The following BAP1 variants were observed in gnomAD, a reference collection of about 807,000 sequenced individuals.
BAP1 encodes the protein ubiquitin carboxyl-terminal hydrolase BAP1.
BAP1 carries 16 observed loss-of-function variants against 77.2 expected under a neutral mutation model. That is an observed-to-expected ratio of 0.21 (90% CI 0.14 to 0.31). BAP1 has a LOEUF of 0.31. BAP1 is among the 10% of genes least tolerant of loss of function. The pLI, the probability that BAP1 is intolerant of heterozygous loss-of-function variation, is 1.00. For synonymous variants in BAP1, 362 were observed against 385.2 expected (o/e 0.94, Z 0.71); for missense variants, 699 against 967.3 (o/e 0.72, Z 3.68).
chr3:52,409,804 G>A (rs1705313036), intron 1 of BAP1, 38 bp downstream of exon 1: 1 of 1,612,838 alleles, frequency 6.2e-7, no homozygotes. Flanking sequence ...GGCCCATCCG[G>A]CCTCCCCAGC....
chr3:52,406,321 T>C lies in BAP1; in HGVS notation c.715A>G (p.Ile239Val), dbSNP rs953111687. The C allele has an allele frequency of 1.2e-6, 2 of 1,614,084 alleles. No homozygotes were observed. The highest frequency in any genetic ancestry group is 2.2e-5 in the East Asian group (1 of 44,902). Reference protein sequence around the residue: ...NLMAVVPDRRIKYEARLHVLK... With the variant: ...NLMAVVPDRRVKYEARLHVLK... ...ACATGCAGCCTGGCCTCATACTTGA[T>C]CCTGCGGTCGGGCACCACTGCCATC... Residue 239 changes from isoleucine to valine, a missense_variant, in exon 9 of 17, where the codon ATC (isoleucine) becomes GTC (valine). Physicochemically the swap from Ile to Val is conservative, Grantham distance 29. Transcript: ENST00000460680. The surrounding 1 kb of genome is among the most constrained non-coding windows in gnomAD (Gnocchi z 4.6).
At chr3:52,407,518 G>C (rs2153228018) in intron 5 of BAP1, 58 bp from the exon 6 acceptor site, 1 of 1,609,290 alleles carries the variant, frequency 6.2e-7, no homozygotes, top group Non-Finnish European at 8.5e-7. Flanking sequence ...AGGACTATGG[G>C]TGGAAGGCAA....
At chr3:52,405,451 G>A (rs565618919) in intron 10 of BAP1, 157 bp from the exon 11 acceptor site, 1 of 370,394 alleles carries the variant, frequency 2.7e-6, no homozygotes, top group South Asian at 2.2e-5. Flanking sequence ...ATCCCGCAAT[G>A]AGACAGGGCA....
intron 4 of BAP1, 91 bp downstream of exon 4, chr3:52,408,383 A>G: frequency 4.5e-6 from 7 of 1,541,254 alleles, no homozygotes; most frequent in East Asian, 2.4e-5. Flanking sequence ...GAATCTGCCT[A>G]TCTCCTCCTC....
rs201809705 is a variant in BAP1, at chr3:52,405,784, G to A, written c.912C>T (p.Ala304=). 1 of 1,613,474 alleles carries A rather than the reference G, an allele frequency of 6.2e-7. No homozygotes were observed. The highest frequency in any genetic ancestry group is 1.1e-5 in the South Asian group (1 of 91,034). The change falls in exon 10 of 17, where the codon GCC becomes GCT. Residue 304 remains alanine, a synonymous_variant. Coordinates refer to ENST00000460680, the MANE Select transcript of BAP1 (RefSeq NM_004656.4). ...CAGTACCTGTGTGGTTGCCCTCAGA[G>A]GCTGCAGGGGCCCTGTTTGCTTCCA... The part of the protein sequence containing the change: ...LVLEANRAPA[A]SEGNHTDGAE...
intron 11 of BAP1, 120 bp from the exon 12 acceptor site, chr3:52,404,706 A>G (rs1305394092): frequency 1.4e-6 from 2 of 1,429,422 alleles, no homozygotes; most frequent in East Asian, 2.5e-5. Flanking sequence ...GAACCCCTCC[A>G]GCTGTTCCAT....
Position 52,406,992 on chromosome 3 carries a change from C to A in BAP1, c.581-85G>T. ...GAGTGGGAAGGAAGACAGAGAAGAG[C>A]AGTTGAGCCAGGGAATCAGGAGCTG... On this transcript the variant is annotated intron_variant, in intron 7 of 16. Transcript: ENST00000460680. This position sits in a 1 kb window ranked among gnomAD's most constrained non-coding sequence, Gnocchi z 4.6. 1 of 1,496,090 alleles carries A rather than the reference C, an allele frequency of 6.7e-7. No individual in the cohort carries two copies. The highest frequency in any genetic ancestry group is 9.1e-7 in the Non-Finnish European group (1 of 1,095,914). 92.7% of individuals were successfully genotyped at this position (1,496,090 alleles called of 1,614,324 possible).
At position 52,409,889 on chromosome 3, in the gene BAP1, G is replaced by A. The variant is rs2153228696; in HGVS notation, c.-11C>T. 1.2e-6 allele frequency: 2 copies of A among 1,606,310 alleles called. No individual in the cohort carries two copies. The highest frequency in any genetic ancestry group is 1.7e-6 in the Non-Finnish European group (2 of 1,179,864). On this transcript the variant is annotated 5_prime_UTR_variant, in exon 1 of 17. Coordinates refer to ENST00000460680, the MANE Select transcript of BAP1 (RefSeq NM_004656.4). ...CCAGCCCTTATTCATCTTCCCGCGGGGCGGCCCCTCAGCGCCATGTCCAGG... is the reference window on the plus strand; with the variant it reads ...CCAGCCCTTATTCATCTTCCCGCGGAGCGGCCCCTCAGCGCCATGTCCAGG...
Position 52,406,503 on chromosome 3 carries a change from G to A in BAP1, c.660-127C>T. 7.0e-7 allele frequency: 1 copy of A among 1,435,974 alleles called. No homozygotes were observed. The allele number at this position is 1,435,974 out of a possible 1,614,324, so 89.0% of individuals were successfully genotyped here. A position where few individuals can be genotyped will look rare whatever the true frequency, so the allele number is the denominator to read the frequency against. Reference sequence around the variant, plus strand: ...TGTAGGTATAGGCCCCACCCCAACAGGCAGGCAGCGACTAGCCATACATGC... The same window carrying A: ...TGTAGGTATAGGCCCCACCCCAACAAGCAGGCAGCGACTAGCCATACATGC... On this transcript the variant is annotated intron_variant, in intron 8 of 16. Coordinates refer to ENST00000460680, the MANE Select transcript of BAP1 (RefSeq NM_004656.4). The surrounding 1 kb of genome is among the most constrained non-coding windows in gnomAD (Gnocchi z 4.6).
intron 10 of BAP1, 104 bp downstream of exon 10, chr3:52,405,661 G>GCCCAAGGACATCCCCAGAAAAAGACTTT: frequency 6.6e-7 from 1 of 1,523,380 alleles, no homozygotes; most frequent in Non-Finnish European, 8.9e-7. Flanking sequence ...GAAGAACACT[G>GCCCAAGGACATCCCCAGAAAAAGACTTT]CCCAAGGACA....
intron 4 of BAP1, 152 bp from the exon 5 acceptor site, chr3:52,408,229 T>C (rs1019774402): frequency 1.6e-5 from 22 of 1,396,626 alleles, no homozygotes; most frequent in Non-Finnish European, 1.7e-5. Flanking sequence ...GTTTATTCAT[T>C]TAACAAGCAC....
rs1483303680 is a variant in BAP1 at position 52,403,575 on chromosome 3, T to G, written c.1570A>C (p.Thr524Pro). 1 of 1,613,962 alleles carries G rather than the reference T, an allele frequency of 6.2e-7. No individual in the cohort carries two copies. The highest frequency in any genetic ancestry group is 1.7e-5 in the Admixed American group (1 of 60,014). Residue 524 changes from threonine to proline, a missense_variant, in exon 13 of 17, where the codon ACC becomes CCC. Physicochemically the swap from Thr to Pro is conservative, Grantham distance 38 (BLOSUM62 -1). This residue lies in a region of BAP1 where 475 missense variants were observed against 532.4 expected (regional missense o/e 0.89). Transcript: ENST00000460680. This position sits in a 1 kb window ranked among gnomAD's most constrained non-coding sequence, Gnocchi z 4.0. ...AAAAGCACCTTGGAGATGTGGGAGG[T>G]GACAGGGCTGGAGGGCCGCGTCGGG... The part of the protein sequence containing the change: ...ANPTRPSSPV[T>P]SHISKVLFGE...
chr3:52,406,265 C>T lies in BAP1; in HGVS notation c.771G>A (p.Glu257=). ...VLKVNRQTVL[E]ALQQLIRVTQ... Reference sequence around the variant, plus strand: ...AAAGGGCACCTACCTGCTGCAGAGCCTCTAGTACTGTCTGACGGTTCACCT... The same window carrying T: ...AAAGGGCACCTACCTGCTGCAGAGCTTCTAGTACTGTCTGACGGTTCACCT... The change falls in exon 9 of 17, where the codon GAG becomes GAA. Residue 257 remains glutamate, a synonymous_variant. Transcript: ENST00000460680. This position sits in a 1 kb window ranked among gnomAD's most constrained non-coding sequence, Gnocchi z 4.6. 1 of 1,614,190 alleles carries T rather than the reference C, an allele frequency of 6.2e-7. No homozygotes were observed. Among genetic ancestry groups the T allele is most frequent in the South Asian group, 1.1e-5 (1 of 91,084 alleles).
chr3:52,409,428 C>A, intron 3 of BAP1, 126 bp downstream of exon 3: 1 of 1,278,074 alleles, frequency 7.8e-7, no homozygotes. Flanking sequence ...GAGAGCAAGG[C>A]TGCTGCTTTC....
In BAP1 at chr3:52,404,500, A is replaced by C. The variant is rs200156887; in HGVS notation, c.1203T>G (p.Tyr401Ter). The C allele has an allele frequency of 6.1e-5, 99 of 1,614,102 alleles. No homozygotes were observed. Among genetic ancestry groups the C allele is most frequent in the Admixed American group, 3.8e-4 (23 of 59,956 alleles). ...GCACGTCATCCTCCTCGTCATCCTC[A>C]TAGTCATCCTCATCATCTGAGTACT... ...PQQYSDDEDD[Y>*]EDDEEDDVQN... The change falls in exon 12 of 17, where the codon TAT (tyrosine) becomes TAG (stop). Residue 401 changes from tyrosine (Y) to a stop codon, truncating the protein, a stop_gained. Coordinates refer to ENST00000460680, the MANE Select transcript of BAP1 (RefSeq NM_004656.4). LOFTEE classifies it high-confidence loss of function.
rs1432747161 is a variant in BAP1 at position 52,403,946 on chromosome 3, C to T, written c.1251-52G>A. 5.1e-6 allele frequency: 8 copies of T among 1,580,628 alleles called. No individual in the cohort carries two copies. The highest frequency in any genetic ancestry group is 6.9e-6 in the Non-Finnish European group (8 of 1,152,918). ...AAGGGAACGGGCCAGGTGACCATACCCAGCAGTACCCAGAATGGCTTAAAT... is the reference window on the plus strand; with the variant it reads ...AAGGGAACGGGCCAGGTGACCATACTCAGCAGTACCCAGAATGGCTTAAAT... On this transcript the variant is annotated intron_variant, in intron 12 of 16. Coordinates refer to ENST00000460680, the MANE Select transcript of BAP1 (RefSeq NM_004656.4). This position sits in a 1 kb window ranked among gnomAD's most constrained non-coding sequence, Gnocchi z 4.0.
At chr3:52,404,267 C>G (rs923494288) in intron 12 of BAP1, among the ~76,000 whole-genome samples, 186 bp downstream of exon 12, 6 of 152,216 alleles carry the variant, frequency 3.9e-5, no homozygotes, top group Non-Finnish European at 8.8e-5. Context: ...TCAGCCTTAC[C>G]CCCCAGCCCA....
rs1553645487 is a variant in BAP1 at position 52,405,846 on chromosome 3, C to T, written c.850G>A (p.Glu284Lys). Residue 284 changes from glutamate to lysine, a missense_variant, in exon 10 of 17, where the codon GAG (glutamate) becomes AAG (lysine). Physicochemically the swap from Glu to Lys is moderately conservative, Grantham distance 56 (BLOSUM62 1). Transcript: ENST00000460680. ...GACTTGTTGCTGGCTGACTTGGACT[C>T]CTCAGGCAGCTGTGACTCTTGAGAC... ...HKSQESQLPE[E>K]SKSASNKSPL... The T allele has an allele frequency of 1.2e-6, 2 of 1,614,126 alleles. No homozygotes were observed. Among genetic ancestry groups the T allele is most frequent in the South Asian group, 1.1e-5 (1 of 91,086 alleles).
intron 3 of BAP1, among the ~76,000 whole-genome samples, chr3:52,408,816 A>G (rs1705251175): frequency 6.6e-6 from 1 of 152,212 alleles, no homozygotes; most frequent in African/African-American, 2.4e-5. Flanking sequence ...AGCAAAGCAT[A>G]AGCCTCTGAC....
Sources: allele counts gnomAD v4.1 joint callset (sites outside exome capture counted in the v4.1 genomes callset), GRCh38; gene constraint gnomAD v4.1.1; regional missense constraint gnomAD v4.1.1; non-coding constraint Gnocchi (gnomAD v3.1); transcripts MANE v1.5; gene names NCBI Gene and HGNC (gene_info 2026-07-23, HGNC 2026-07-21).